The following CNTN5 variants were observed in gnomAD, a reference collection of about 807,000 sequenced individuals.
CNTN5 encodes contactin 5, also known as contactin-5.
A neutral mutation model predicts 129.1 loss-of-function variants in CNTN5; 77 were observed. That is an observed-to-expected ratio of 0.60 (90% CI 0.50 to 0.72). The LOEUF (loss-of-function observed/expected upper bound fraction) is 0.72. Among genes scored for constraint, CNTN5 ranks in the 30% least tolerant of loss-of-function variants. The pLI is 0.00. For synonymous variants in CNTN5, 509 were observed against 465.6 expected (o/e 1.09, Z -1.20); for missense variants, 1,478 against 1,328.8 (o/e 1.11, Z -1.75).
chr11:99,585,460 G>C (rs370395853), intron 3 of CNTN5, among the ~76,000 whole-genome samples: 100 of 152,052 alleles, frequency 6.6e-4, no homozygotes, highest in African/African-American at 2.2e-3. Context: ...TCTTCTTACA[G>C]GCTTTACATT....
At chr11:99,977,155 A>G (rs182364153) in intron 8 of CNTN5, among the ~76,000 whole-genome samples, 7 of 152,206 alleles carry the variant, frequency 4.6e-5, no homozygotes, top group Admixed American at 4.6e-4. Flanking sequence ...TTGCTAAAAT[A>G]TAGCATGAGT....
At chr11:99,670,395 G>A (rs1211988084) in intron 3 of CNTN5, among the ~76,000 whole-genome samples, 1 of 152,092 alleles carries the variant, frequency 6.6e-6, no homozygotes, top group East Asian at 1.9e-4. Flanking sequence ...TCCGGTTTAG[G>A]CTGTCAACAT....
chr11:99,262,610 T>TC (rs1555093938), intron 1 of CNTN5, among the ~76,000 whole-genome samples: 32 of 148,894 alleles, frequency 2.1e-4, no homozygotes, highest in Admixed American at 4.0e-4. Flanking sequence ...CTTTTTTTTT[T>TC]TCTCTCTCTT....
chr11:99,989,200 G>T (rs979149821), intron 8 of CNTN5, among the ~76,000 whole-genome samples: 1 of 152,146 alleles, frequency 6.6e-6, no homozygotes, highest in Admixed American at 6.6e-5. Flanking sequence ...GAAGTATTCA[G>T]AGATCTTCAA....
intron 7 of CNTN5, among the ~76,000 whole-genome samples, chr11:99,926,526 A>C (rs1009689543): frequency 2.6e-5 from 4 of 152,198 alleles, no homozygotes; most frequent in Non-Finnish European, 4.4e-5. Context: ...GAGATTTTAC[A>C]TTATACAATG....
intron 1 of CNTN5, among the ~76,000 whole-genome samples, chr11:99,133,422 A>G (rs1349880087): frequency 6.6e-6 from 1 of 152,050 alleles, no homozygotes; most frequent in Non-Finnish European, 1.5e-5. Flanking sequence ...TAATTAAATG[A>G]AAGAGTTTTT....
intron 1 of CNTN5, among the ~76,000 whole-genome samples, chr11:99,084,830 T>G (rs1448936963): frequency 6.6e-6 from 1 of 152,206 alleles, no homozygotes; most frequent in African/African-American, 2.4e-5. Flanking sequence ...CTCACTGATT[T>G]GCCAAAATAT....
intron 18 of CNTN5, among the ~76,000 whole-genome samples, chr11:100,279,125 A>G (rs1270184639): frequency 6.6e-6 from 1 of 151,976 alleles, no homozygotes; most frequent in Non-Finnish European, 1.5e-5. Context: ...GTGTATGTTG[A>G]ATTTGCCTTG....
At chr11:99,952,552 T>C (rs1950702008) in intron 7 of CNTN5, among the ~76,000 whole-genome samples, 2 of 152,224 alleles carry the variant, frequency 1.3e-5, no homozygotes, top group South Asian at 4.1e-4. Context: ...ATTTTTTTGA[T>C]TTGGGGTCTA....
chr11:100,186,932 T>TA (rs1319647167), intron 13 of CNTN5, among the ~76,000 whole-genome samples: 1 of 151,878 alleles, frequency 6.6e-6, no homozygotes, highest in Non-Finnish European at 1.5e-5. Context: ...TTTGTGAAGT[T>TA]AAAAAAAATG....
At chr11:99,933,495 CCAAT>C (rs1160864414) in intron 7 of CNTN5, among the ~76,000 whole-genome samples, 2 of 152,108 alleles carry the variant, frequency 1.3e-5, no homozygotes, top group African/African-American at 4.8e-5. Flanking sequence ...TCTTCCCTTT[CCAAT>C]CAATTTTTCC....
At chr11:99,218,324 A>G (rs902258952) in intron 1 of CNTN5, among the ~76,000 whole-genome samples, 7 of 152,100 alleles carry the variant, frequency 4.6e-5, no homozygotes, top group Non-Finnish European at 1.0e-4. Flanking sequence ...CTTTTGAGCC[A>G]AGTTCCAGGA....
At chr11:99,040,896 C>A (rs1331614966) in intron 1 of CNTN5, among the ~76,000 whole-genome samples, 1 of 152,102 alleles carries the variant, frequency 6.6e-6, no homozygotes, top group Admixed American at 6.5e-5. Context: ...TCTTTAGTCA[C>A]AATTTTAGGG....
intron 3 of CNTN5, among the ~76,000 whole-genome samples, chr11:99,732,777 G>C (rs185253293): frequency 1.1e-4 from 16 of 152,310 alleles, no homozygotes; most frequent in South Asian, 2.1e-4. Context: ...TAAAATAATA[G>C]AGGAAGATTA....
At chr11:100,284,845 T>C (rs1950732141) in intron 18 of CNTN5, among the ~76,000 whole-genome samples, 1 of 152,202 alleles carries the variant, frequency 6.6e-6, no homozygotes, top group Non-Finnish European at 1.5e-5. Flanking sequence ...TAAATATACA[T>C]ATATGCTTAT....
chr11:99,105,456 T>G (rs1219612751), intron 1 of CNTN5, among the ~76,000 whole-genome samples: 5 of 152,200 alleles, frequency 3.3e-5, no homozygotes, highest in Admixed American at 1.3e-4. Context: ...TTATGTTACC[T>G]TAATAAATAT....
In CNTN5 at chr11:100,115,115, T is replaced by TAAA. The variant is rs11388029; in HGVS notation, c.1580+40843_1580+40845dup. On this transcript the variant is annotated intron_variant, in intron 13 of 24. Transcript: ENST00000524871. ...TTTCTAGACTGCTATAGGTATACAGTAAAAAAAAAAAAAAAAAAAAAAAAG... is the reference window on the plus strand; with the variant it reads ...TTTCTAGACTGCTATAGGTATACAGTAAAAAAAAAAAAAAAAAAAAAAAAAAAG... Among the ~76,000 whole-genome samples, 142 of 78,372 alleles carry TAAA rather than the reference T, an allele frequency of 1.8e-3. 3 individuals carry two copies. The East Asian group carries it at 0.019, about 10-fold the overall frequency. 51.4% of individuals were successfully genotyped at this position (78,372 alleles called of 152,430 possible). A position where few individuals can be genotyped will look rare whatever the true frequency, so the allele number is the denominator to read the frequency against.
chr11:99,152,872 A>G (rs890306641), intron 1 of CNTN5, among the ~76,000 whole-genome samples: 4 of 152,166 alleles, frequency 2.6e-5, no homozygotes, highest in South Asian at 2.1e-4. Context: ...TCCTTGTCTG[A>G]AAAGGTCATA....
chr11:100,143,719 A>G (rs1946766367), intron 13 of CNTN5, among the ~76,000 whole-genome samples: 1 of 152,172 alleles, frequency 6.6e-6, no homozygotes, highest in East Asian at 1.9e-4. Flanking sequence ...TGTCTTTAAA[A>G]AATTTAGAGC....
Sources: gnomAD v4.1 joint callset for allele counts (sites outside exome capture counted in the v4.1 genomes callset) on GRCh38, gnomAD v4.1.1 for gene constraint, MANE v1.5 for transcripts, NCBI Gene and HGNC (gene_info 2026-07-23, HGNC 2026-07-21) for gene names.